The following CCNI2 variants were observed in gnomAD, a reference collection of about 807,000 sequenced individuals.
CCNI2 encodes the protein cyclin I family member 2.
CCNI2 carries 32 observed loss-of-function variants against 33.2 expected under a neutral mutation model. That is an observed-to-expected ratio of 0.96 (90% CI 0.73 to 1.30). The LOEUF (loss-of-function observed/expected upper bound fraction) is 1.30, where lower values mean the gene tolerates loss of function less well. CCNI2 is among the 50% of genes most tolerant of loss of function. The pLI is 0.00. For synonymous variants in CCNI2, 231 were observed against 219.9 expected, an observed-to-expected ratio of 1.05 and a Z score of -0.45; for missense variants, 452 against 486.2, an observed-to-expected ratio of 0.93 and a Z score of 0.66.
At chr5:132,751,414 G>T in intron 4 of CCNI2, 1 of 183,974 alleles carries the variant, frequency 5.4e-6, no homozygotes, top group East Asian at 1.6e-4. Flanking sequence ...ATATTGATCT[G>T]GCACTTAAAA....
intron 3 of CCNI2, among the ~76,000 whole-genome samples, chr5:132,749,998 TTCCTACC>T (rs1423719549): frequency 6.6e-6 from 1 of 152,154 alleles, no homozygotes; most frequent in East Asian, 1.9e-4. Context: ...TTTCCAAGCT[TTCCTACC>T]TCCCTCCAAC....
chr5:132,748,975 G>T (rs993282630), intron 2 of CCNI2, among the ~76,000 whole-genome samples: 5 of 152,200 alleles, frequency 3.3e-5, no homozygotes, highest in Non-Finnish European at 7.3e-5. Flanking sequence ...AAAACAAACG[G>T]CTGGGCGCAA....
At chr5:132,751,190 TC>T (rs367591672) in intron 4 of CCNI2, 193 bp downstream of exon 4, 16 of 513,774 alleles carry the variant, frequency 3.1e-5, no homozygotes, top group African/African-American at 1.7e-4. Flanking sequence ...TCCACCAGAC[TC>T]CCACTTCTAA....
At chr5:132,754,662 A>T (rs934739078), downstream of CCNI2, 12 of 604,014 alleles carry the variant, frequency 2.0e-5, no homozygotes, top group Middle Eastern at 3.8e-4. Flanking sequence ...GTGGATTTTT[A>T]AAAATCTTAT....
At position 132,747,740 on chromosome 5, in the gene CCNI2, C is replaced by T. The variant is rs879941016; in HGVS notation, c.245C>T (p.Thr82Met). ...GTCCCCGTGCGGCCCCGGCGCGGTACGGCGCCAGCCGGGAAAACCGCAGAC... is the reference window on the plus strand; with the variant it reads ...GTCCCCGTGCGGCCCCGGCGCGGTATGGCGCCAGCCGGGAAAACCGCAGAC... ...AAVPVRPRRG[T>M]APAGKTADAV... is the part of the protein sequence containing the mutation. The change falls in exon 1 of 6, where the codon ACG (threonine) becomes ATG (methionine). Residue 82 changes from threonine to methionine, a missense_variant. By Grantham distance (81) the Thr-to-Met change is moderately conservative. Coordinates refer to ENST00000378731, the MANE Select transcript of CCNI2 (RefSeq NM_001039780.4). This position sits in a 1 kb window ranked among gnomAD's most constrained non-coding sequence, Gnocchi z 4.1. 62 of 1,468,948 alleles carry T rather than the reference C, an allele frequency of 4.2e-5. No individual in the cohort carries two copies. Among genetic ancestry groups the T allele is most frequent in the Non-Finnish European group, 4.7e-5 (53 of 1,118,836 alleles). 91.0% of individuals were successfully genotyped at this position (1,468,948 alleles called of 1,614,324 possible).
intron 2 of CCNI2, among the ~76,000 whole-genome samples, chr5:132,748,997 T>G (rs1026499593): frequency 1.3e-5 from 2 of 152,240 alleles, no homozygotes; most frequent in African/African-American, 4.8e-5. Flanking sequence ...GGCTCACGCC[T>G]GTAATCCCAG....
Position 132,752,905 on chromosome 5 carries a change from A to G in CCNI2, c.1045A>G (p.Met349Val), listed in dbSNP as rs1195817677. 2 of 1,614,054 alleles carry G rather than the reference A, an allele frequency of 1.2e-6. No individual in the cohort carries two copies. Among genetic ancestry groups the G allele is most frequent in the Admixed American group, 1.7e-5 (1 of 59,994 alleles). The change falls in exon 6 of 6, where the codon ATG (methionine) becomes GTG (valine). Residue 349 changes from methionine (M) to valine (V), a missense_variant. Physicochemically the swap from Met to Val is conservative, Grantham distance 21. Transcript: ENST00000378731. The part of the protein sequence containing the change: ...MQYSCCKELV[M>V]QQLRSLQSSS... ...GTACAGCTGCTGCAAGGAACTTGTA[A>G]TGCAGCAACTGAGAAGTCTTCAGTC...
chr5:132,747,827 G>A lies in CCNI2; in HGVS notation c.332G>A (p.Arg111His). 1.4e-6 allele frequency: 2 copies of A among 1,480,830 alleles called. No individual in the cohort carries two copies. The highest frequency in any genetic ancestry group is 1.8e-6 in the Non-Finnish European group (2 of 1,123,390). The allele number at this position is 1,480,830 out of a possible 1,614,324, so 91.7% of individuals were successfully genotyped here. Reference protein sequence around the residue: ...PRPAPQSRKPRNLEGDLDERR... With the variant: ...PRPAPQSRKPHNLEGDLDERR... ...CCGGCTCCACAGTCCCGCAAGCCGC[G>A]CAACCTGGAAGGCGACCTGGACGAG... is the stretch of plus-strand genomic sequence containing the variant. Residue 111 changes from arginine (R) to histidine (H), a missense_variant, in exon 1 of 6, where the codon CGC (arginine) becomes CAC (histidine). By Grantham distance (29) the Arg-to-His change is conservative (BLOSUM62 0). Transcript: ENST00000378731. This position sits in a 1 kb window ranked among gnomAD's most constrained non-coding sequence, Gnocchi z 4.1.
chr5:132,755,353 G>T (rs1755230227), downstream of CCNI2, among the ~76,000 whole-genome samples: 2 of 152,058 alleles, frequency 1.3e-5, no homozygotes, highest in African/African-American at 4.8e-5. Context: ...AACAGTCTCA[G>T]GTCCACCAGC....
At chr5:132,754,527 G>A (rs1196918375), downstream of CCNI2, 10 of 717,512 alleles carry the variant, frequency 1.4e-5, no homozygotes, top group Middle Eastern at 2.3e-4. Flanking sequence ...ACCTCTTGGA[G>A]AAAGCAGAGG....
rs765050283 is a variant in CCNI2 at position 132,747,473 on chromosome 5, A to G, written c.-23A>G. The G allele has an allele frequency of 7.7e-6, 11 of 1,430,062 alleles. No homozygotes were observed. In the Admixed American group the frequency reaches 8.4e-5, roughly 11 times the overall value. The allele number at this position is 1,430,062 out of a possible 1,614,324, so 88.6% of individuals were successfully genotyped here. On this transcript the variant is annotated 5_prime_UTR_variant, in exon 1 of 6. Transcript: ENST00000378731. The surrounding 1 kb of genome is among the most constrained non-coding windows in gnomAD (Gnocchi z 4.1). ...AAAATGCCGGGTTAAGCGGCAACTC[A>G]GACTCAGGATCCCGCTCACGACATG...
Position 132,747,566 on chromosome 5 carries a change from G to A in CCNI2, c.71G>A (p.Gly24Glu). Reference protein sequence around the residue: ...SEVSAVQSPGGRPGAGLEETA... With the variant: ...SEVSAVQSPGERPGAGLEETA... ...GTCAGCGCCGTCCAGAGCCCAGGCGGGCGTCCCGGCGCCGGTCTGGAGGAA... is the reference window on the plus strand; with the variant it reads ...GTCAGCGCCGTCCAGAGCCCAGGCGAGCGTCCCGGCGCCGGTCTGGAGGAA... The change falls in exon 1 of 6, where the codon GGG (glycine) becomes GAG (glutamate). Residue 24 changes from glycine to glutamate, a missense_variant. Physicochemically the swap from Gly to Glu is moderately conservative, Grantham distance 98. Transcript: ENST00000378731. This position sits in a 1 kb window ranked among gnomAD's most constrained non-coding sequence, Gnocchi z 4.1. The A allele has an allele frequency of 1.3e-6, 2 of 1,496,044 alleles. No homozygotes were observed. Among genetic ancestry groups the A allele is most frequent in the Non-Finnish European group, 1.8e-6 (2 of 1,128,878 alleles). 92.7% of individuals were successfully genotyped at this position (1,496,044 alleles called of 1,614,324 possible).
chr5:132,755,518 C>T (rs1755246789), downstream of CCNI2, among the ~76,000 whole-genome samples: 1 of 152,082 alleles, frequency 6.6e-6, no homozygotes, highest in Admixed American at 6.5e-5. Context: ...GCCATGTAAC[C>T]TTGGGTAATT....
intron 3 of CCNI2, among the ~76,000 whole-genome samples, chr5:132,750,410 A>G (rs964830403): frequency 6.6e-6 from 1 of 152,208 alleles, no homozygotes; most frequent in African/African-American, 2.4e-5. Context: ...TAAAAAACCC[A>G]TAGGAGGTTT....
At position 132,752,945 on chromosome 5, in the gene CCNI2, A is replaced by T. The variant is rs1316823301; in HGVS notation, c.1085A>T (p.Asp362Val). The T allele has an allele frequency of 1.2e-6, 2 of 1,613,990 alleles. No individual in the cohort carries two copies. Among genetic ancestry groups the T allele is most frequent in the Non-Finnish European group, 1.7e-6 (2 of 1,180,032 alleles). ...AGTCTTCAGTCATCCTCCTGCACAG[A>T]CAACTTTGTGTCACCTGCCAACTAG... ...LRSLQSSSCT[D>V]NFVSPAN is the part of the protein sequence containing the mutation. The change falls in exon 6 of 6, where the codon GAC becomes GTC. Residue 362 changes from aspartate (D) to valine (V), a missense_variant. Coordinates refer to ENST00000378731, the MANE Select transcript of CCNI2 (RefSeq NM_001039780.4).
At chr5:132,751,210 A>G in intron 4 of CCNI2, 1 of 471,182 alleles carries the variant, frequency 2.1e-6, no homozygotes, top group Non-Finnish European at 3.7e-6. Context: ...AAAGGACATT[A>G]AATTAACTTT....
chr5:132,748,955 A>G (rs1754690619), intron 2 of CCNI2, among the ~76,000 whole-genome samples: 2 of 152,176 alleles, frequency 1.3e-5, no homozygotes, highest in African/African-American at 4.8e-5. Flanking sequence ...ATGGGAAAAA[A>G]AAGCTTATTA....
chr5:132,747,722 T>A lies in CCNI2; in HGVS notation c.227T>A (p.Val76Glu). ...SLHAASAAVP[V>E]RPRRGTAPAG... is the part of the protein sequence containing the mutation. ...CACGCGGCGTCCGCAGCAGTCCCCG[T>A]GCGGCCCCGGCGCGGTACGGCGCCA... Residue 76 changes from valine (V) to glutamate (E), a missense_variant, in exon 1 of 6, where the codon GTG becomes GAG. Coordinates refer to ENST00000378731, the MANE Select transcript of CCNI2 (RefSeq NM_001039780.4). The surrounding 1 kb of genome is among the most constrained non-coding windows in gnomAD (Gnocchi z 4.1). The A allele has an allele frequency of 6.7e-7, 1 of 1,485,480 alleles. No homozygotes were observed. Among genetic ancestry groups the A allele is most frequent in the African/African-American group, 1.5e-5 (1 of 68,596 alleles). 92.0% of individuals were successfully genotyped at this position (1,485,480 alleles called of 1,614,324 possible). A position where few individuals can be genotyped will look rare whatever the true frequency, so the allele number is the denominator to read the frequency against.
In CCNI2 at chr5:132,751,996, C is replaced by T; in HGVS notation, c.805C>T (p.His269Tyr). Residue 269 changes from histidine (H) to tyrosine (Y), a missense_variant, in exon 5 of 6, where the codon CAT becomes TAT. By Grantham distance (83) the His-to-Tyr change is moderately conservative. Transcript: ENST00000378731. ...TGCCCTGGTGGTCCTGAGCTGGCCCCATGTGTTGGAGCTGCTGCCTCAGAG... is the reference window on the plus strand; with the variant it reads ...TGCCCTGGTGGTCCTGAGCTGGCCCTATGTGTTGGAGCTGCTGCCTCAGAG... ...FHALVVLSWP[H>Y]VLELLPQRNP... is the part of the protein sequence containing the mutation. 6.2e-7 allele frequency: 1 copy of T among 1,612,074 alleles called. No individual in the cohort carries two copies. The highest frequency in any genetic ancestry group is 8.5e-7 in the Non-Finnish European group (1 of 1,179,344).
Sources: gnomAD v4.1 joint callset for allele counts (sites outside exome capture counted in the v4.1 genomes callset) on GRCh38, gnomAD v4.1.1 for gene constraint, Gnocchi (gnomAD v3.1) non-coding constraint, MANE v1.5 for transcripts, NCBI Gene and HGNC (gene_info 2026-07-23, HGNC 2026-07-21) for gene names.